The following SIAE variants were observed in gnomAD, a reference collection of about 807,000 sequenced individuals.
SIAE encodes the protein sialic acid acetylesterase.
SIAE carries 39 observed loss-of-function variants against 52.6 expected under a neutral mutation model. That is an observed-to-expected ratio of 0.74 (90% CI 0.57 to 0.97). The LOEUF (loss-of-function observed/expected upper bound fraction) is 0.97, where lower values mean the gene tolerates loss of function less well. Ranked by LOEUF, SIAE falls within the 50% of genes least tolerant of loss-of-function variation. The pLI, the probability that SIAE is intolerant of heterozygous loss-of-function variation, is 0.00. For missense variants in SIAE, 592 were observed against 662.1 expected (o/e 0.89, Z 1.16); for synonymous variants, 233 against 241.4 (o/e 0.97, Z 0.32).
intron 7 of SIAE, among the ~76,000 whole-genome samples, chr11:124,644,353 G>GAAA (rs370589585): frequency 3.1e-4 from 32 of 102,110 alleles, no homozygotes; most frequent in East Asian, 3.0e-3. Context: ...TCTGTGGTGA[G>GAAA]AAAAAAAAAA....
At position 124,639,757 on chromosome 11, in the gene SIAE, G is replaced by C. The variant is rs778953987; in HGVS notation, c.1077C>G (p.Phe359Leu). 6.2e-7 allele frequency: 1 copy of C among 1,614,092 alleles called. No individual in the cohort carries two copies. The highest frequency in any genetic ancestry group is 1.7e-5 in the Admixed American group (1 of 60,000). The change falls in exon 8 of 10, where the codon TTC becomes TTG. Residue 359 changes from phenylalanine to leucine, a missense_variant. Phe to Leu is a conservative substitution (Grantham distance 22). Coordinates refer to ENST00000263593, the MANE Select transcript of SIAE (RefSeq NM_170601.5). ...YVPNPKMPNT[F>L]MAVAMDLCDR... ...CACAGAGATCCATAGCTACAGCCAT[G>C]AAAGTATTGGGCATCTTTGGGTTGG...
At chr11:124,660,560 C>T (rs754646098) in intron 3 of SIAE, 68 bp downstream of exon 3, 12 of 1,554,358 alleles carry the variant, frequency 7.7e-6, no homozygotes, top group Non-Finnish European at 1.1e-5. Context: ...TTGTTGCCCC[C>T]TTATTCCTCC....
At chr11:124,660,074 G>A (rs1247476449) in intron 3 of SIAE, 1 of 169,778 alleles carries the variant, frequency 5.9e-6, no homozygotes, top group Non-Finnish European at 1.3e-5. Context: ...TGCATCATCT[G>A]AGGTCAGGAG....
chr11:124,673,357 T>C (rs1241581915), intron 1 of SIAE, among the ~76,000 whole-genome samples: 1 of 152,180 alleles, frequency 6.6e-6, no homozygotes, highest in African/African-American at 2.4e-5. Context: ...GGCCTCTTTC[T>C]GGGCACATTT....
chr11:124,649,888 G>T, intron 4 of SIAE, 92 bp from the exon 5 acceptor site: 1 of 1,187,946 alleles, frequency 8.4e-7, no homozygotes, highest in Non-Finnish European at 1.2e-6. Flanking sequence ...AGAAGGGTGG[G>T]CAGAGGTCAT....
intron 2 of SIAE, among the ~76,000 whole-genome samples, chr11:124,667,957 C>T (rs1287485646): frequency 3.3e-5 from 5 of 152,202 alleles, no homozygotes; most frequent in African/African-American, 1.2e-4. Context: ...AGCCTGCCCA[C>T]CACCTCTATC....
At chr11:124,648,307 C>A (rs911283287) in intron 5 of SIAE, 132 bp from the exon 6 acceptor site, 9 of 702,954 alleles carry the variant, frequency 1.3e-5, no homozygotes, top group Non-Finnish European at 2.3e-5. Context: ...AAAATTGAAT[C>A]GAAACTCTTT....
chr11:124,645,318 T>TC lies in SIAE; in HGVS notation c.966+2046dup, dbSNP rs1185371888. 6.6e-6 allele frequency among the ~76,000 whole-genome samples: 1 copy of TC among 152,020 alleles called. No individual in the cohort carries two copies. The highest frequency in any genetic ancestry group is 2.4e-5 in the African/African-American group (1 of 41,398). ...ATCAGGTCTTTCTGATTGCTATATTTCTTTTTTTTTTTTGAGACGGAGTTT... is the reference window on the plus strand; with the variant it reads ...ATCAGGTCTTTCTGATTGCTATATTTCCTTTTTTTTTTTTGAGACGGAGTTT... On this transcript the variant is annotated intron_variant, in intron 7 of 9. Coordinates refer to ENST00000263593, the MANE Select transcript of SIAE (RefSeq NM_170601.5). This position sits in a 1 kb window ranked among gnomAD's most constrained non-coding sequence, Gnocchi z 4.7.
intron 1 of SIAE, among the ~76,000 whole-genome samples, chr11:124,672,075 CA>C (rs1353077541): frequency 6.6e-6 from 1 of 151,178 alleles, no homozygotes; most frequent in Non-Finnish European, 1.5e-5. Context: ...CGCGCCTGGC[CA>C]ATTTTTTTGT....
chr11:124,643,783 CT>C lies in SIAE; in HGVS notation c.966+3581del, dbSNP rs546547068. ...CCAATGAGAGGCATCAACCTATTATCTCTCTTTTACAAACCATGATCTAACT... is the reference window on the plus strand; with the variant it reads ...CCAATGAGAGGCATCAACCTATTATCCTCTTTTACAAACCATGATCTAACT... On this transcript the variant is annotated intron_variant, in intron 7 of 9. Transcript: ENST00000263593. Among the ~76,000 whole-genome samples, 873 of 152,318 alleles carry C rather than the reference CT, an allele frequency of 5.7e-3. 5 individuals are homozygous for C. Among genetic ancestry groups the C allele is most frequent in the Non-Finnish European group, 7.7e-3 (527 of 68,030 alleles).
Position 124,670,638 on chromosome 11 carries a change from G to T in SIAE, c.68-1117C>A, listed in dbSNP as rs1367980065. On this transcript the variant is annotated intron_variant, in intron 1 of 9. Transcript: ENST00000263593. This position sits in a 1 kb window ranked among gnomAD's most constrained non-coding sequence, Gnocchi z 4.5. Reference sequence around the variant, plus strand: ...TCCCTGGAAGCTACAAATGATGAGGGCCCCTTCGGCTATACTTAACAGGGC... The same window carrying T: ...TCCCTGGAAGCTACAAATGATGAGGTCCCCTTCGGCTATACTTAACAGGGC... Among the ~76,000 whole-genome samples the T allele has an allele frequency of 2.6e-5, 4 of 152,132 alleles. No homozygotes were observed. The highest frequency in any genetic ancestry group is 9.7e-5 in the African/African-American group (4 of 41,402).
rs185144363 is a variant in SIAE at position 124,639,957 on chromosome 11, T to C, written c.967-90A>G. On this transcript the variant is annotated intron_variant, in intron 7 of 9. Coordinates refer to ENST00000263593, the MANE Select transcript of SIAE (RefSeq NM_170601.5). ...GCAGACTCTGCTTCTGCTTCTCTCATTGCATTTAAATGCTCATTCAACACG... is the reference window on the plus strand; with the variant it reads ...GCAGACTCTGCTTCTGCTTCTCTCACTGCATTTAAATGCTCATTCAACACG... 6 of 1,461,064 alleles carry C rather than the reference T, an allele frequency of 4.1e-6. No individual in the cohort carries two copies. In the Admixed American group the frequency reaches 8.4e-5, roughly 20 times the overall value. 90.5% of individuals were successfully genotyped at this position (1,461,064 alleles called of 1,614,324 possible).
At chr11:124,648,267 G>T in intron 5 of SIAE, 92 bp from the exon 6 acceptor site, 1 of 882,236 alleles carries the variant, frequency 1.1e-6, no homozygotes, top group Non-Finnish European at 1.9e-6. Flanking sequence ...TTCACTTGTG[G>T]TAAACTTCTG....
At chr11:124,655,174 C>CTTT (rs766294261) in intron 3 of SIAE, among the ~76,000 whole-genome samples, 1,425 of 135,006 alleles carry the variant, frequency 0.011, 30 homozygotes, top group African/African-American at 0.016. Context: ...TTAACTTCTT[C>CTTT]TTTTTTTTTT....
intron 2 of SIAE, among the ~76,000 whole-genome samples, chr11:124,663,021 T>C (rs1943212828): frequency 6.6e-6 from 1 of 152,024 alleles, no homozygotes; most frequent in Non-Finnish European, 1.5e-5. Flanking sequence ...GGCATATGCC[T>C]ATAATCCCAG....
intron 2 of SIAE, among the ~76,000 whole-genome samples, chr11:124,661,460 T>C (rs1382625933): frequency 6.6e-6 from 1 of 152,194 alleles, no homozygotes; most frequent in Non-Finnish European, 1.5e-5. Flanking sequence ...CACAGACTTA[T>C]TTACAAGACT....
In SIAE at chr11:124,673,630, G is replaced by A. The variant is rs780266460; in HGVS notation, c.67+12C>T. The A allele has an allele frequency of 4.3e-6, 7 of 1,612,072 alleles. No individual in the cohort carries two copies. The highest frequency in any genetic ancestry group is 3.3e-5 in the South Asian group (3 of 90,778). On this transcript the variant is annotated intron_variant, in intron 1 of 9. Coordinates refer to ENST00000263593, the MANE Select transcript of SIAE (RefSeq NM_170601.5). ...TGAGGGGCAGGGGTCCGGCCGAGCC[G>A]GGCCGCCTCACCTGCACTTCTGTCG...
At chr11:124,652,748 G>GTGGGAGAGAT (rs1943035996) in intron 4 of SIAE, among the ~76,000 whole-genome samples, 2 of 150,582 alleles carry the variant, frequency 1.3e-5, no homozygotes, top group Admixed American at 6.6e-5. Flanking sequence ...GATTCTCAAC[G>GTGGGAGAGAT]TGGGAGAGAT....
At chr11:124,639,671 A>T in intron 8 of SIAE, 39 bp downstream of exon 8, 1 of 1,613,642 alleles carries the variant, frequency 6.2e-7, no homozygotes, top group Non-Finnish European at 8.5e-7. Context: ...ACTACAAAGA[A>T]CATACACTGT....
Sources: allele counts gnomAD v4.1 joint callset (sites outside exome capture counted in the v4.1 genomes callset), GRCh38; gene constraint gnomAD v4.1.1; non-coding constraint Gnocchi (gnomAD v3.1); transcripts MANE v1.5; gene names NCBI Gene and HGNC (gene_info 2026-07-23, HGNC 2026-07-21).